CLNS1A: variants seen among roughly 807,000 people sequenced by gnomAD.
CLNS1A encodes the protein chloride nucleotide-sensitive channel 1A, also known as methylosome subunit pICln.
In CLNS1A, 16 loss-of-function variants were observed where a neutral mutation model predicts 29.4. The observed-to-expected ratio is 0.54, with a 90% confidence interval of 0.37 to 0.83. CLNS1A has a LOEUF of 0.83. Ranked by LOEUF, CLNS1A falls within the 40% of genes least tolerant of loss-of-function variation. CLNS1A has a pLI of 0.00. For missense variants in CLNS1A, 235 were observed against 287.4 expected (o/e 0.82, Z 1.32); for synonymous variants, 96 against 104.8 (o/e 0.92, Z 0.51).
intron 4 of CLNS1A, 106 bp downstream of exon 4, chr11:77,624,857 T>G (rs754009002): frequency 1.5e-6 from 1 of 679,890 alleles, no homozygotes; most frequent in African/African-American, 1.8e-5. Flanking sequence ...ACTGCATACT[T>G]TACAGTCATA....
chr11:77,632,191 G>A (rs1272442450), intron 1 of CLNS1A, among the ~76,000 whole-genome samples: 2 of 152,176 alleles, frequency 1.3e-5, no homozygotes, highest in African/African-American at 4.8e-5. Context: ...TCCTTTTAAT[G>A]TGGAGAGGAA....
At position 77,625,836 on chromosome 11, in the gene CLNS1A, C is replaced by G; in HGVS notation, c.263-18G>C. 1 of 1,511,750 alleles carries G rather than the reference C, an allele frequency of 6.6e-7. No individual in the cohort carries two copies. Among genetic ancestry groups the G allele is most frequent in the East Asian group, 2.3e-5 (1 of 44,294 alleles). The allele number at this position is 1,511,750 out of a possible 1,614,324, so 93.6% of individuals were successfully genotyped here. A position where few individuals can be genotyped will look rare whatever the true frequency, so the allele number is the denominator to read the frequency against. ...TGATTCTTCTAGAAAATAAAATACC[C>G]TTTTAATGTCATTATTTGACTTTAA... On this transcript the variant is annotated intron_variant, in intron 2 of 6. Coordinates refer to ENST00000525428, the MANE Select transcript of CLNS1A (RefSeq NM_001293.3).
At chr11:77,629,623 T>C (rs1959054745) in intron 2 of CLNS1A, 140 bp downstream of exon 2, 3 of 672,096 alleles carry the variant, frequency 4.5e-6, no homozygotes, top group South Asian at 2.0e-5. Flanking sequence ...CTCGATCTCC[T>C]GACCTTGTGA....
At chr11:77,622,336 A>G (rs1958966920) in intron 5 of CLNS1A, 164 bp downstream of exon 5, 1 of 642,442 alleles carries the variant, frequency 1.6e-6, no homozygotes, top group Non-Finnish European at 2.5e-6. Context: ...AAATCACTAA[A>G]AACAAATGAC....
chr11:77,629,632 G>C, intron 2 of CLNS1A, 131 bp downstream of exon 2: 1 of 732,534 alleles, frequency 1.4e-6, no homozygotes, highest in South Asian at 2.0e-5. Context: ...CTGACCTTGT[G>C]ATCCGCCCGC....
At chr11:77,629,703 C>CT (rs1565128584) in intron 2 of CLNS1A, 60 bp downstream of exon 2, 2 of 1,569,958 alleles carry the variant, frequency 1.3e-6, no homozygotes, top group Non-Finnish European at 8.7e-7. Context: ...CTCAAAGACT[C>CT]TTTTTTAAAA....
At chr11:77,632,130 G>C (rs1959080765) in intron 1 of CLNS1A, among the ~76,000 whole-genome samples, 1 of 152,312 alleles carries the variant, frequency 6.6e-6, no homozygotes, top group Non-Finnish European at 1.5e-5. Context: ...AAGAAACATT[G>C]TATTATGTAA....
chr11:77,630,733 T>A (rs1281560582), intron 1 of CLNS1A, among the ~76,000 whole-genome samples: 1 of 151,994 alleles, frequency 6.6e-6, no homozygotes, highest in Non-Finnish European at 1.5e-5. Flanking sequence ...TAATACTTCA[T>A]CCATCTGGAG....
Position 77,616,658 on chromosome 11 carries a change from A to G in CLNS1A, c.*60T>C, listed in dbSNP as rs1333048551. 1 of 152,634 alleles carries G rather than the reference A, an allele frequency of 6.6e-6. No homozygotes were observed. Among genetic ancestry groups the G allele is most frequent in the Non-Finnish European group, 1.5e-5 (1 of 68,060 alleles). 9.5% of individuals were successfully genotyped at this position (152,634 alleles called of 1,614,324 possible). A position where few individuals can be genotyped will look rare whatever the true frequency, so the allele number is the denominator to read the frequency against. ...TTCATTAACTTCACTCCAGAGTGGA[A>G]GAGGCACCAAGTTCTCTCCTACACT... On this transcript the variant is annotated 3_prime_UTR_variant, in exon 7 of 7. Transcript: ENST00000525428.
At chr11:77,617,831 T>C (rs1349998680) in intron 6 of CLNS1A, among the ~76,000 whole-genome samples, 1 of 150,126 alleles carries the variant, frequency 6.7e-6, no homozygotes, top group African/African-American at 2.5e-5. Context: ...AGCAGGAGAA[T>C]CGCTTGAACC....
intron 2 of CLNS1A, 73 bp downstream of exon 2, chr11:77,629,690 G>A (rs530071781): frequency 2.0e-5 from 30 of 1,483,018 alleles, no homozygotes; most frequent in South Asian, 1.9e-4. Context: ...CACCGTGCCC[G>A]GCCTCAAAGA....
At chr11:77,625,327 C>T (rs1404500609) in intron 3 of CLNS1A, 1 of 499,654 alleles carries the variant, frequency 2.0e-6, no homozygotes, top group Non-Finnish European at 3.5e-6. Context: ...AGACTGCTGG[C>T]ATCAGGGTGA....
chr11:77,621,849 A>G (rs1958961528), intron 5 of CLNS1A: 3 of 404,866 alleles, frequency 7.4e-6, no homozygotes, highest in African/African-American at 6.2e-5. Context: ...GGAGGCCTCA[A>G]TAGGAAAAAG....
chr11:77,622,796 A>G, intron 4 of CLNS1A, 123 bp from the exon 5 acceptor site: 3 of 740,866 alleles, frequency 4.0e-6, no homozygotes, highest in Non-Finnish European at 4.1e-6. Flanking sequence ...AAAAATACAA[A>G]AATTAGCCAG....
chr11:77,634,550 C>G (rs1199858202), intron 1 of CLNS1A, among the ~76,000 whole-genome samples: 1 of 151,748 alleles, frequency 6.6e-6, no homozygotes. Context: ...ATGGTGAAAC[C>G]CCGTCTCTAC....
At position 77,637,768 on chromosome 11, in the gene CLNS1A, T is replaced by G. The variant is rs965691578; in HGVS notation, c.-54A>C. 2.9e-5 allele frequency: 43 copies of G among 1,507,044 alleles called. No homozygotes were observed. Among genetic ancestry groups the G allele is most frequent in the Non-Finnish European group, 3.7e-5 (42 of 1,122,586 alleles). The allele number at this position is 1,507,044 out of a possible 1,614,324, so 93.4% of individuals were successfully genotyped here. ...GAGGGAGTTGGAGCACAGCAATGCG[T>G]GCACCACACCGCCCGCCCTGGAAGA... On this transcript the variant is annotated 5_prime_UTR_variant, in exon 1 of 7. Transcript: ENST00000525428.
At chr11:77,621,640 T>A (rs1310588314) in intron 5 of CLNS1A, among the ~76,000 whole-genome samples, 1 of 152,154 alleles carries the variant, frequency 6.6e-6, no homozygotes, top group Non-Finnish European at 1.5e-5. Flanking sequence ...CGAAACTCCA[T>A]CTTAAGAAAA....
chr11:77,636,220 A>G (rs558652938), intron 1 of CLNS1A, among the ~76,000 whole-genome samples: 1 of 152,050 alleles, frequency 6.6e-6, no homozygotes, highest in East Asian at 1.9e-4. Flanking sequence ...ACAGGCCGCC[A>G]CCATGCCTGG....
chr11:77,622,304 CT>C (rs887816680), intron 5 of CLNS1A, among the ~76,000 whole-genome samples, 195 bp downstream of exon 5: 8 of 152,106 alleles, frequency 5.3e-5, no homozygotes, highest in African/African-American at 1.9e-4. Flanking sequence ...TGAACAAAGA[CT>C]TTTTTGGTAA....
Sources: gnomAD v4.1 joint callset for allele counts (sites outside exome capture counted in the v4.1 genomes callset) on GRCh38, gnomAD v4.1.1 for gene constraint, MANE v1.5 for transcripts, NCBI Gene and HGNC (gene_info 2026-07-23, HGNC 2026-07-21) for gene names.